The following HORMAD2 variants were observed in gnomAD, a reference collection of about 807,000 sequenced individuals.
HORMAD2 encodes HORMA domain containing 2, also known as HORMA domain-containing protein 2.
In HORMAD2, 45 loss-of-function variants were observed where a neutral mutation model predicts 38.8. The ratio of observed to expected loss-of-function variants is 1.16; its 90% confidence interval spans 0.91 to 1.49. The LOEUF is 1.49. HORMAD2 is among the 40% of genes most tolerant of loss of function. The pLI is 0.00. For synonymous variants in HORMAD2, 126 were observed against 122.8 expected (o/e 1.03, Z -0.17); for missense variants, 338 against 367.0 (o/e 0.92, Z 0.65).
intron 10 of HORMAD2, among the ~76,000 whole-genome samples, chr22:30,147,267 C>T (rs1013754515): frequency 2.0e-5 from 3 of 152,054 alleles, no homozygotes; most frequent in Non-Finnish European, 4.4e-5. Context: ...AGACATTGTG[C>T]TAAGGATAGA....
intron 10 of HORMAD2, among the ~76,000 whole-genome samples, chr22:30,148,709 A>C (rs898112071): frequency 1.3e-5 from 2 of 152,138 alleles, no homozygotes; most frequent in Admixed American, 1.3e-4. Flanking sequence ...TTCCTTAAAA[A>C]CATATTAGAC....
intron 8 of HORMAD2, 69 bp downstream of exon 8, chr22:30,119,116 C>A: frequency 2.9e-6 from 3 of 1,037,786 alleles, no homozygotes; most frequent in South Asian, 1.5e-5. Flanking sequence ...TTCTTGAGGC[C>A]AGAGAAAGGC....
intron 1 of HORMAD2, among the ~76,000 whole-genome samples, chr22:30,081,857 T>A (rs1200980644): frequency 6.6e-6 from 1 of 152,252 alleles, no homozygotes; most frequent in East Asian, 1.9e-4. Flanking sequence ...AGTGCTGGGA[T>A]TACAGGTGTG....
intron 2 of HORMAD2, among the ~76,000 whole-genome samples, chr22:30,095,010 A>G (rs2068756955): frequency 6.6e-6 from 1 of 152,124 alleles, no homozygotes; most frequent in African/African-American, 2.4e-5. Context: ...GTGCCTGTTT[A>G]TTAGGCCCTA....
At chr22:30,111,845 CCT>C (rs1369828300) in intron 6 of HORMAD2, 29 bp downstream of exon 6, 1 of 1,543,256 alleles carries the variant, frequency 6.5e-7, no homozygotes. Context: ...AAAGACCAAG[CCT>C]CTGTCTCTAT....
At chr22:30,164,293 C>CA (rs1171599130) in intron 10 of HORMAD2, among the ~76,000 whole-genome samples, 1 of 152,144 alleles carries the variant, frequency 6.6e-6, no homozygotes, top group Non-Finnish European at 1.5e-5. Context: ...TTCCTGCTTT[C>CA]AGTCCTTTTG....
At chr22:30,198,061 G>A in the HORMAD2 span, among the ~76,000 whole-genome samples, 3 of 152,032 alleles carry the variant, frequency 2.0e-5, no homozygotes, top group African/African-American at 7.2e-5. Context: ...GTGCACACTG[G>A]TAATCCCAGC....
chr22:30,121,793 G>A lies in HORMAD2; in HGVS notation c.568+4G>A. ...AAACTCCACTACTATAATGCAGGTA[G>A]GTAGAGAACTTTAGGCAAATTCCTC... On this transcript the variant is annotated splice_donor_region_variant and intron_variant, in intron 9 of 10. Transcript: ENST00000336726. The A allele has an allele frequency of 1.2e-6, 2 of 1,601,416 alleles. No individual in the cohort carries two copies. Among genetic ancestry groups the A allele is most frequent in the Non-Finnish European group, 1.7e-6 (2 of 1,176,164 alleles).
At chr22:30,187,150 A>T in the HORMAD2 span, among the ~76,000 whole-genome samples, 1 of 152,234 alleles carries the variant, frequency 6.6e-6, no homozygotes, top group African/African-American at 2.4e-5. Flanking sequence ...TAAATGAAAA[A>T]TTAATGCTTT....
chr22:30,138,043 A>G (rs563664533), intron 10 of HORMAD2, among the ~76,000 whole-genome samples: 3 of 152,156 alleles, frequency 2.0e-5, no homozygotes, highest in South Asian at 2.1e-4. Context: ...GAGGGTTCCA[A>G]TTTCTCCACA....
At chr22:30,132,836 T>G (rs1234963721) in intron 10 of HORMAD2, among the ~76,000 whole-genome samples, 1 of 152,168 alleles carries the variant, frequency 6.6e-6, no homozygotes, top group Non-Finnish European at 1.5e-5. Flanking sequence ...CCACACTGAT[T>G]ATCTGTATAT....
downstream of HORMAD2, among the ~76,000 whole-genome samples, chr22:30,178,732 T>A (rs896067013): frequency 6.6e-5 from 10 of 152,362 alleles, no homozygotes; most frequent in Admixed American, 5.2e-4. Context: ...TCACTCTGAC[T>A]GTGCTTGGTT....
intron 1 of HORMAD2, among the ~76,000 whole-genome samples, chr22:30,087,024 G>A (rs753235753): frequency 4.1e-4 from 63 of 152,186 alleles, no homozygotes; most frequent in Admixed American, 1.5e-3. Context: ...ACCACGCCCA[G>A]CTAATTTTGT....
At chr22:30,138,909 T>C (rs776509329) in intron 10 of HORMAD2, among the ~76,000 whole-genome samples, 11 of 152,136 alleles carry the variant, frequency 7.2e-5, no homozygotes, top group Non-Finnish European at 1.3e-4. Context: ...GAAATTAACA[T>C]TTAAATCAGT....
At chr22:30,091,503 C>A (rs2068686084) in intron 1 of HORMAD2, among the ~76,000 whole-genome samples, 1 of 152,036 alleles carries the variant, frequency 6.6e-6, no homozygotes, top group Non-Finnish European at 1.5e-5. Flanking sequence ...TGGGCTCAAG[C>A]AACCTGCCTG....
the HORMAD2 span, among the ~76,000 whole-genome samples, chr22:30,193,657 T>C: frequency 6.6e-6 from 1 of 152,196 alleles, no homozygotes; most frequent in Non-Finnish European, 1.5e-5. Context: ...AGGAACTTGA[T>C]GTGTTTTTGG....
chr22:30,110,383 CTT>C lies in HORMAD2; in HGVS notation c.295-1394_295-1393del, dbSNP rs10712471. ...ATTGCTATCGAATTGTGAGCATATA[CTT>C]TTTTTTTTTTTTTTTTTTGAGATGG... On this transcript the variant is annotated intron_variant, in intron 5 of 10. Transcript: ENST00000336726. Among the ~76,000 whole-genome samples the C allele has an allele frequency of 5.9e-3, 606 of 103,336 alleles. 1 individual carries two copies. The highest frequency in any genetic ancestry group is 0.019 in the African/African-American group (462 of 24,120). 67.8% of individuals were successfully genotyped at this position (103,336 alleles called of 152,430 possible). A position where few individuals can be genotyped will look rare whatever the true frequency, so the allele number is the denominator to read the frequency against.
chr22:30,088,232 T>C (rs1020406833), intron 1 of HORMAD2, among the ~76,000 whole-genome samples: 7 of 149,572 alleles, frequency 4.7e-5, no homozygotes, highest in African/African-American at 1.7e-4. Context: ...TATACATATA[T>C]ACACACATAT....
chr22:30,140,457 G>T (rs2039114552), intron 10 of HORMAD2, among the ~76,000 whole-genome samples: 2 of 152,104 alleles, frequency 1.3e-5, no homozygotes, highest in South Asian at 4.1e-4. Flanking sequence ...GTTAATTCAA[G>T]GTCTTCACTT....
Sources: allele counts gnomAD v4.1 joint callset (sites outside exome capture counted in the v4.1 genomes callset), GRCh38; gene constraint gnomAD v4.1.1; transcripts MANE v1.5; gene names NCBI Gene and HGNC (gene_info 2026-07-23, HGNC 2026-07-21).